The following LRRK1 variants were observed in gnomAD, a reference collection of about 807,000 sequenced individuals.
LRRK1 encodes the protein leucine rich repeat kinase 1.
A neutral mutation model predicts 209.1 loss-of-function variants in LRRK1; 113 were observed. The observed-to-expected ratio is 0.54, with a 90% CI of 0.46 to 0.63. The LOEUF is 0.63. Ranked by LOEUF, LRRK1 falls within the 30% of genes least tolerant of loss-of-function variation. The pLI, the probability that LRRK1 is intolerant of heterozygous loss-of-function variation, is 0.00. For synonymous variants in LRRK1, 1,144 were observed against 1,099.7 expected (o/e 1.04, Z -0.80); for missense variants, 2,284 against 2,632.2 (o/e 0.87, Z 2.89).
At chr15:100,928,632 A>T (rs2042155346) in intron 2 of LRRK1, among the ~76,000 whole-genome samples, 1 of 152,240 alleles carries the variant, frequency 6.6e-6, no homozygotes, top group Admixed American at 6.5e-5. Flanking sequence ...TGTGCGTTAG[A>T]AAAAGACCCA....
chr15:100,931,515 C>G (rs906750153), intron 2 of LRRK1, among the ~76,000 whole-genome samples: 3 of 152,210 alleles, frequency 2.0e-5, no homozygotes, highest in Admixed American at 6.5e-5. Flanking sequence ...CTCTGAAGTT[C>G]CTGTTAGCAG....
intron 12 of LRRK1, among the ~76,000 whole-genome samples, chr15:101,019,631 C>T (rs538424969): frequency 3.9e-5 from 6 of 152,100 alleles, no homozygotes; most frequent in African/African-American, 4.8e-5. Context: ...AAGCCAGAGC[C>T]GAGGCGGGGT....
At position 101,014,342 on chromosome 15, in the gene LRRK1, G is replaced by T; in HGVS notation, c.1446G>T (p.Gly482=). 1.2e-6 allele frequency: 2 copies of T among 1,613,686 alleles called. No individual in the cohort carries two copies. The highest frequency in any genetic ancestry group is 1.7e-6 in the Non-Finnish European group (2 of 1,179,806). ...CCCTCATGTTCTTGAGGTTACAGGG[G>T]AACCAGCTGGCGGCACTTCCACCTC... The part of the protein sequence containing the change: ...LDALMFLRLQ[G]NQLAALPPQE... The change falls in exon 11 of 34, where the codon GGG becomes GGT. Residue 482 remains glycine (G), a synonymous_variant. Coordinates refer to ENST00000388948, the MANE Select transcript of LRRK1 (RefSeq NM_024652.6).
At position 101,066,599 on chromosome 15, in the gene LRRK1, T is replaced by C. The variant is rs768752548; in HGVS notation, c.5769-41T>C. The stretch of plus-strand genomic sequence containing the variant: ...GGCTTCACTCCCCGGAGAGCACGGC[T>C]ACCGACAAATCGCTTCCCCTTCTGG... On this transcript the variant is annotated intron_variant, in intron 32 of 33. Coordinates refer to ENST00000388948, the MANE Select transcript of LRRK1 (RefSeq NM_024652.6). The C allele has an allele frequency of 8.2e-6, 13 of 1,584,160 alleles. No homozygotes were observed. The South Asian group carries it at 1.4e-4, about 18-fold the overall frequency.
Position 101,031,348 on chromosome 15 carries a change from C to T in LRRK1, c.2963+2116C>T, listed in dbSNP as rs115529110. Among the ~76,000 whole-genome samples, 818 of 152,304 alleles carry T rather than the reference C, an allele frequency of 5.4e-3. 7 individuals carry two copies. The highest frequency in any genetic ancestry group is 0.018 in the African/African-American group (765 of 41,570). ...GTTTCCTGTTCTTGAACTTCTCAAC[C>T]GCACAGAGTCACGCAATATGGTCTC... On this transcript the variant is annotated intron_variant, in intron 20 of 33. Transcript: ENST00000388948.
intron 2 of LRRK1, among the ~76,000 whole-genome samples, chr15:100,933,507 A>G (rs949534006): frequency 6.6e-6 from 1 of 151,958 alleles, no homozygotes; most frequent in Admixed American, 6.6e-5. Context: ...ACATTTTCCA[A>G]CTGTTGTTCT....
intron 20 of LRRK1, among the ~76,000 whole-genome samples, chr15:101,039,682 CT>C (rs1474241701): frequency 2.0e-5 from 3 of 152,172 alleles, no homozygotes; most frequent in African/African-American, 7.2e-5. Context: ...AGCATTCAGT[CT>C]TTCACCATCA....
chr15:101,011,687 G>T (rs945313773), intron 9 of LRRK1, among the ~76,000 whole-genome samples: 1 of 152,124 alleles, frequency 6.6e-6, no homozygotes, highest in African/African-American at 2.4e-5. Flanking sequence ...GGCCATTCGT[G>T]TAGGGGAAAC....
intron 4 of LRRK1, among the ~76,000 whole-genome samples, chr15:100,987,949 T>C (rs1287848951): frequency 6.6e-6 from 1 of 152,204 alleles, no homozygotes; most frequent in African/African-American, 2.4e-5. Context: ...CACACCCATT[T>C]TTTATTTGGC....
At chr15:100,956,282 T>C (rs1329031743) in intron 2 of LRRK1, among the ~76,000 whole-genome samples, 1 of 152,016 alleles carries the variant, frequency 6.6e-6, no homozygotes, top group Non-Finnish European at 1.5e-5. Context: ...TGTGTATAAT[T>C]GTTATAGTAG....
chr15:101,067,452 TG>T (rs2036598657), intron 33 of LRRK1: 1 of 307,046 alleles, frequency 3.3e-6, no homozygotes, highest in African/African-American at 2.2e-5. Flanking sequence ...TGTGTGTGTG[TG>T]TGTGTGTGTG....
In LRRK1 at chr15:101,029,352, C is replaced by G. The variant is rs751655074; in HGVS notation, c.2963+120C>G. On this transcript the variant is annotated intron_variant, in intron 20 of 33. Transcript: ENST00000388948. Reference sequence around the variant, plus strand: ...AGGGATCAGTGCTGCCACTGCTGCCCCCTACGGACAGGCCAGCACCCGATG... The same window carrying G: ...AGGGATCAGTGCTGCCACTGCTGCCGCCTACGGACAGGCCAGCACCCGATG... 826 of 1,059,510 alleles carry G rather than the reference C, an allele frequency of 7.8e-4. 1 individual carries two copies. Among genetic ancestry groups the G allele is most frequent in the Admixed American group, 1.4e-3 (52 of 36,756 alleles). 65.6% of individuals were successfully genotyped at this position (1,059,510 alleles called of 1,614,324 possible). A position where few individuals can be genotyped will look rare whatever the true frequency, so the allele number is the denominator to read the frequency against.
At chr15:101,013,595 CAG>C (rs1241482609) in intron 10 of LRRK1, among the ~76,000 whole-genome samples, 1 of 152,122 alleles carries the variant, frequency 6.6e-6, no homozygotes, top group African/African-American at 2.4e-5. Flanking sequence ...GCCTAAGAAA[CAG>C]AGCGAGACCC....
At chr15:101,052,256 C>T (rs1937918525) in intron 24 of LRRK1, among the ~76,000 whole-genome samples, 1 of 152,226 alleles carries the variant, frequency 6.6e-6, no homozygotes, top group African/African-American at 2.4e-5. Context: ...CAGAGCTGCT[C>T]TCTCCTGAGC....
intron 20 of LRRK1, among the ~76,000 whole-genome samples, chr15:101,032,681 T>C (rs2034334902): frequency 6.6e-6 from 1 of 152,212 alleles, no homozygotes; most frequent in Non-Finnish European, 1.5e-5. Context: ...TTTTTGTATA[T>C]GGGGTGAAGT....
intron 3 of LRRK1, among the ~76,000 whole-genome samples, chr15:100,979,481 A>G (rs975022019): frequency 1.3e-5 from 2 of 152,354 alleles, no homozygotes; most frequent in East Asian, 3.8e-4. Context: ...GCACACAGAT[A>G]TGAAAGAAAT....
At chr15:100,972,163 A>G (rs1310582601) in intron 2 of LRRK1, among the ~76,000 whole-genome samples, 1 of 151,790 alleles carries the variant, frequency 6.6e-6, no homozygotes, top group African/African-American at 2.4e-5. Flanking sequence ...GGGTTTCACC[A>G]TGTTGGCCAG....
intron 2 of LRRK1, among the ~76,000 whole-genome samples, chr15:100,927,999 T>C (rs1303719128): frequency 2.0e-5 from 3 of 152,264 alleles, no homozygotes. Context: ...CAGGTAATGC[T>C]CAAAGGGTGG....
At chr15:101,040,496 A>G (rs906704067) in intron 20 of LRRK1, among the ~76,000 whole-genome samples, 3 of 151,988 alleles carry the variant, frequency 2.0e-5, no homozygotes, top group Admixed American at 1.3e-4. Flanking sequence ...GATTTCTTCT[A>G]TTATTTTTCT....
Sources: gnomAD v4.1 joint callset for allele counts (sites outside exome capture counted in the v4.1 genomes callset) on GRCh38, gnomAD v4.1.1 for gene constraint, MANE v1.5 for transcripts, NCBI Gene and HGNC (gene_info 2026-07-23, HGNC 2026-07-21) for gene names.